The following KMT2C variants were observed in gnomAD, a reference collection of about 807,000 sequenced individuals.
The protein encoded by KMT2C is histone-lysine N-methyltransferase 2C.
In KMT2C, 88 loss-of-function variants were observed where a neutral mutation model predicts 507.9. That is an observed-to-expected ratio of 0.17 (90% CI 0.15 to 0.21). KMT2C has a LOEUF of 0.21. Among genes scored for constraint, KMT2C ranks in the 10% least tolerant of loss-of-function variants. The pLI is 1.00. For missense variants in KMT2C, 4,954 were observed against 5,957.8 expected (o/e 0.83, Z 5.55); for synonymous variants, 2,049 against 2,080.8 (o/e 0.98, Z 0.42).
chr7:152,179,891 T>C lies in KMT2C; in HGVS notation c.7385A>G (p.Gln2462Arg), dbSNP rs1358646492. The change falls in exon 37 of 59, where the codon CAG (glutamine) becomes CGG (arginine). Residue 2462 changes from glutamine to arginine, a missense_variant. Gln to Arg is a conservative substitution (Grantham distance 43, BLOSUM62 1). This residue lies in a region of KMT2C where 1,689 missense variants were observed against 1,654.3 expected (regional missense o/e 1.02). Coordinates refer to ENST00000262189, the MANE Select transcript of KMT2C (RefSeq NM_170606.3). ...AACATCAGGAGGATAGGGTCCACGC[T>C]GATCTTTTGGGAAAACAGCATATCT... ...GPRYAVFPKD[Q>R]RGPYPPDVAS... 1.9e-6 allele frequency: 3 copies of C among 1,614,080 alleles called. No homozygotes were observed. Among genetic ancestry groups the C allele is most frequent in the Non-Finnish European group, 2.5e-6 (3 of 1,179,992 alleles).
chr7:152,174,851 G>C (rs1046036203), intron 38 of KMT2C, among the ~76,000 whole-genome samples: 5 of 152,236 alleles, frequency 3.3e-5, no homozygotes, highest in Non-Finnish European at 7.4e-5. Context: ...CATTGCTTTT[G>C]TTGTTTTTAG....
At chr7:152,298,416 T>C (rs1206392815) in intron 6 of KMT2C, among the ~76,000 whole-genome samples, 1 of 152,170 alleles carries the variant, frequency 6.6e-6, no homozygotes, top group Admixed American at 6.5e-5. Context: ...AAAGACATGT[T>C]ACCTATAGAA....
intron 2 of KMT2C, among the ~76,000 whole-genome samples, chr7:152,332,926 G>C (rs1026767179): frequency 6.7e-6 from 1 of 148,438 alleles, no homozygotes; most frequent in Non-Finnish European, 1.5e-5. Flanking sequence ...ATAGACCAAC[G>C]GCAAAAGAAT....
At chr7:152,422,104 A>G (rs1233697943) in intron 1 of KMT2C, among the ~76,000 whole-genome samples, 1 of 152,002 alleles carries the variant, frequency 6.6e-6, no homozygotes, top group Middle Eastern at 3.2e-3. Flanking sequence ...TCTCCTCTTC[A>G]CCCAAAATAC....
rs528275647 is a variant in KMT2C at position 152,135,225 on chromosome 7, C to T, written c.*1607G>A. The T allele has an allele frequency of 1.7e-4, 37 of 220,912 alleles. No individual in the cohort carries two copies. Among genetic ancestry groups the T allele is most frequent in the African/African-American group, 8.3e-4 (37 of 44,796 alleles). 13.7% of individuals were successfully genotyped at this position (220,912 alleles called of 1,614,324 possible). ...AAATACATCATGCCATATACAAGTT[C>T]AGAACTGCATCACTGAATATACCAA... On this transcript the variant is annotated 3_prime_UTR_variant, in exon 59 of 59. Coordinates refer to ENST00000262189, the MANE Select transcript of KMT2C (RefSeq NM_170606.3).
At chr7:152,317,273 G>A (rs34786151) in intron 3 of KMT2C, among the ~76,000 whole-genome samples, 7,544 of 152,220 alleles carry the variant, frequency 0.05, 318 homozygotes, top group African/African-American at 0.11. Flanking sequence ...AGAAAAGGTT[G>A]TATGAAGTAA....
intron 1 of KMT2C, among the ~76,000 whole-genome samples, chr7:152,389,623 T>A (rs2097473287): frequency 6.6e-6 from 1 of 152,094 alleles, no homozygotes; most frequent in Non-Finnish European, 1.5e-5. Flanking sequence ...TATTTTTTTG[T>A]AGACATGAGG....
intron 6 of KMT2C, among the ~76,000 whole-genome samples, chr7:152,292,869 A>G (rs1217017622): frequency 2.0e-5 from 3 of 152,194 alleles, no homozygotes; most frequent in Non-Finnish European, 4.4e-5. Flanking sequence ...AGGTCAGGCC[A>G]AACTCTGCAC....
intron 7 of KMT2C, among the ~76,000 whole-genome samples, chr7:152,271,546 G>A (rs1336277794): frequency 5.3e-5 from 8 of 151,706 alleles, no homozygotes; most frequent in Non-Finnish European, 1.0e-4. Flanking sequence ...GATGGTATGC[G>A]CCTGTAATCC....
In KMT2C at chr7:152,162,224, T is replaced by G; in HGVS notation, c.11353A>C (p.Lys3785Gln). Reference sequence around the variant, plus strand: ...TTTTGATTCAAAAGAGAAGATGACTTTTTATTTTTCAACAAGTGTTTCAGA... The same window carrying G: ...TTTTGATTCAAAAGAGAAGATGACTGTTTATTTTTCAACAAGTGTTTCAGA... ...ELLKHLLKNK[K>Q]SSSLLNQKPE... is the part of the protein sequence containing the mutation. The change falls in exon 43 of 59, where the codon AAG (lysine) becomes CAG (glutamine). Residue 3785 changes from lysine to glutamine, a missense_variant. This residue lies in a region of KMT2C where 801 missense variants were observed against 751.2 expected (regional missense o/e 1.07). Transcript: ENST00000262189. The G allele has an allele frequency of 6.2e-7, 1 of 1,614,090 alleles. No homozygotes were observed. The highest frequency in any genetic ancestry group is 2.2e-5 in the East Asian group (1 of 44,880).
At chr7:152,184,271 A>G (rs184222726) in intron 34 of KMT2C, among the ~76,000 whole-genome samples, 1 of 152,218 alleles carries the variant, frequency 6.6e-6, no homozygotes, top group Non-Finnish European at 1.5e-5. Flanking sequence ...GCATATACAC[A>G]CATATATGCT....
Position 152,146,647 on chromosome 7 carries a change from C to A in KMT2C, c.13983G>T (p.Glu4661Asp), listed in dbSNP as rs758584381. The change falls in exon 53 of 59, where the codon GAG becomes GAT. Residue 4661 changes from glutamate (E) to aspartate (D), a missense_variant. Around this residue, in one of 29 missense-constraint regions of KMT2C, gnomAD observed 221 missense variants for 304.7 expected, o/e 0.73. Transcript: ENST00000262189. ...LQLFPAYLKGEDLFGLTVSAV... is the reference protein window; with the variant it reads ...LQLFPAYLKGDDLFGLTVSAV... ...CAGAGACGGTCAGGCCAAACAGATC[C>A]TCTCCTTTTAAATACGCTGGGAAAA... 1.2e-6 allele frequency: 2 copies of A among 1,614,176 alleles called. No individual in the cohort carries two copies. The highest frequency in any genetic ancestry group is 1.7e-6 in the Non-Finnish European group (2 of 1,180,002).
intron 14 of KMT2C, among the ~76,000 whole-genome samples, chr7:152,241,047 C>A (rs2360897): frequency 6.6e-6 from 1 of 152,212 alleles, no homozygotes; most frequent in South Asian, 2.1e-4. Flanking sequence ...CTCCAACTAA[C>A]CTTGTGGCAT....
At chr7:152,305,454 G>C (rs1031400066) in intron 6 of KMT2C, among the ~76,000 whole-genome samples, 1 of 152,190 alleles carries the variant, frequency 6.6e-6, no homozygotes, top group African/African-American at 2.4e-5. Flanking sequence ...CAGCATGGCT[G>C]AAGGAAGTAA....
At chr7:152,192,294 G>A (rs2093821681) in intron 31 of KMT2C, among the ~76,000 whole-genome samples, 1 of 152,176 alleles carries the variant, frequency 6.6e-6, no homozygotes, top group Non-Finnish European at 1.5e-5. Context: ...TGTAATCCCA[G>A]CACTTTGGGA....
intron 1 of KMT2C, among the ~76,000 whole-genome samples, chr7:152,372,259 G>A (rs935699017): frequency 1.3e-5 from 2 of 152,060 alleles, no homozygotes; most frequent in Non-Finnish European, 1.5e-5. Flanking sequence ...GGGTTCAAGC[G>A]ATTCACCTGC....
chr7:152,346,724 T>C (rs1196935273), intron 2 of KMT2C, among the ~76,000 whole-genome samples: 2 of 152,184 alleles, frequency 1.3e-5, no homozygotes, highest in African/African-American at 4.8e-5. Flanking sequence ...AGCCTACTGT[T>C]GACAGGAAGC....
At chr7:152,409,217 G>C (rs1308764823) in intron 1 of KMT2C, among the ~76,000 whole-genome samples, 1 of 151,726 alleles carries the variant, frequency 6.6e-6, no homozygotes, top group Non-Finnish European at 1.5e-5. Flanking sequence ...ATGTTGTCCA[G>C]GCTGGTCTTG....
At chr7:152,203,160 T>C (rs2129135942) in intron 25 of KMT2C, 96 bp from the exon 26 acceptor site, 1 of 914,504 alleles carries the variant, frequency 1.1e-6, no homozygotes, top group Non-Finnish European at 1.6e-6. Context: ...TACACACAGT[T>C]TCATATAAAC....
Sources: gnomAD v4.1 joint callset for allele counts (sites outside exome capture counted in the v4.1 genomes callset) on GRCh38, gnomAD v4.1.1 for gene constraint, gnomAD v4.1.1 regional missense constraint, MANE v1.5 for transcripts, NCBI Gene and HGNC (gene_info 2026-07-23, HGNC 2026-07-21) for gene names.